Variants in FLII observed in about 807,000 individuals in gnomAD.
FLII encodes FLII actin remodeling protein.
Under a neutral mutation model 156.2 loss-of-function variants are expected in FLII, and 101 were observed. The observed-to-expected ratio is 0.65, with a 90% CI of 0.55 to 0.76. FLII has a LOEUF of 0.76. Ranked by LOEUF, FLII falls within the 30% of genes least tolerant of loss-of-function variation. The probability of loss-of-function intolerance (pLI) is 0.00; values close to 1 mark genes in which losing one functional copy is unlikely to be tolerated. For synonymous variants in FLII, 767 were observed against 685.8 expected, an observed-to-expected ratio of 1.12 and a Z score of -1.85; for missense variants, 1,675 against 1,682.8, an observed-to-expected ratio of 1.00 and a Z score of 0.08.
intron 2 of FLII, 25 bp from the exon 3 acceptor site, chr17:18,256,622 C>A: frequency 6.5e-7 from 1 of 1,547,722 alleles, no homozygotes; most frequent in South Asian, 1.2e-5. Flanking sequence ...GGAGCACAGG[C>A]TCAGCAGGGT....
chr17:18,254,514 C>T lies in FLII; in HGVS notation c.575+7G>A, dbSNP rs780441234. ...TCTGCAGGAGTGCGGTCCGAGGGGG[C>T]GCCCACCGGAGCTGTGCATGCAGCA... On this transcript the variant is annotated splice_region_variant and intron_variant, in intron 6 of 29. Transcript: ENST00000327031. 18 of 1,602,420 alleles carry T rather than the reference C, an allele frequency of 1.1e-5. No individual in the cohort carries two copies. Among genetic ancestry groups the T allele is most frequent in the African/African-American group, 2.7e-5 (2 of 74,736 alleles).
At position 18,252,703 on chromosome 17, in the gene FLII, G is replaced by A. The variant is rs1049221119; in HGVS notation, c.1014-147C>T. On this transcript the variant is annotated intron_variant, in intron 9 of 29. Coordinates refer to ENST00000327031, the MANE Select transcript of FLII (RefSeq NM_002018.4). Reference sequence around the variant, plus strand: ...TTCTCTGCCTGAAGGACTTCTCAGAGCCAAGAGACCATGTTACGGGCACTG... The same window carrying A: ...TTCTCTGCCTGAAGGACTTCTCAGAACCAAGAGACCATGTTACGGGCACTG... The A allele has an allele frequency of 7.6e-6, 5 of 659,966 alleles. No homozygotes were observed. In the African/African-American group the frequency reaches 9.0e-5, roughly 12 times the overall value. 40.9% of individuals were successfully genotyped at this position (659,966 alleles called of 1,614,324 possible). A position where few individuals can be genotyped will look rare whatever the true frequency, so the allele number is the denominator to read the frequency against.
chr17:18,247,699 G>A lies in FLII; in HGVS notation c.2445C>T (p.Arg815=). 1.2e-6 allele frequency: 2 copies of A among 1,600,470 alleles called. No homozygotes were observed. The highest frequency in any genetic ancestry group is 2.2e-5 in the South Asian group (2 of 90,910). Residue 815 remains arginine (R), a synonymous_variant, in exon 20 of 30, where the codon CGC becomes CGT. Transcript: ENST00000327031. ...QELCGMLHRP[R]HATVSRSLEG... is the part of the protein sequence containing the mutation. ...CGAGGCTGCGGCTGACCGTGGCATG[G>A]CGTGGCCGGTGCAGCATCCCGCACA...
rs1429563177 is a variant in FLII, at chr17:18,248,711, C to T, written c.2029G>A (p.Glu677Lys). 1.9e-6 allele frequency: 3 copies of T among 1,613,640 alleles called. No individual in the cohort carries two copies. The highest frequency in any genetic ancestry group is 2.5e-6 in the Non-Finnish European group (3 of 1,179,664). The change falls in exon 18 of 30, where the codon GAG becomes AAG. Residue 677 changes from glutamate (E) to lysine (K), a missense_variant. Glu to Lys is a moderately conservative substitution (Grantham distance 56). Around this residue, in one of 2 missense-constraint regions of FLII, gnomAD observed 1,332 missense variants for 1,269.3 expected, o/e 1.05. Coordinates refer to ENST00000327031, the MANE Select transcript of FLII (RefSeq NM_002018.4). ...TTCCGCTCATTCTTGTTAATTTTCT[C>T]TGCAAAGAGCCTGAGAGCAGGATGC... ...SSTTKARLFA[E>K]KINKNERKGK...
At position 18,245,952 on chromosome 17, in the gene FLII, G is replaced by C; in HGVS notation, c.3378C>G (p.Asp1126Glu). 6.2e-7 allele frequency: 1 copy of C among 1,614,070 alleles called. No homozygotes were observed. Among genetic ancestry groups the C allele is most frequent in the Non-Finnish European group, 8.5e-7 (1 of 1,179,998 alleles). The change falls in exon 26 of 30, where the codon GAC (aspartate) becomes GAG (glutamate). Residue 1126 changes from aspartate to glutamate, a missense_variant. Coordinates refer to ENST00000327031, the MANE Select transcript of FLII (RefSeq NM_002018.4). The part of the protein sequence containing the change: ...LAEDILNTMF[D>E]TSYSKQVINE... ...TCCTGACCTGCTTGCTGTAGGAGGT[G>C]TCAAACATGGTGTTCAGGATGTCTT...
In FLII at chr17:18,256,752, G is replaced by A. The variant is rs995307629; in HGVS notation, c.175-155C>T. 2.5e-5 allele frequency: 20 copies of A among 796,484 alleles called. No individual in the cohort carries two copies. The Admixed American group carries it at 3.8e-4, about 15-fold the overall frequency. 49.3% of individuals were successfully genotyped at this position (796,484 alleles called of 1,614,324 possible). On this transcript the variant is annotated intron_variant, in intron 2 of 29. Transcript: ENST00000327031. Reference sequence around the variant, plus strand: ...TCCCTCACTCACCCGGCCTCTTCTTGCACACCTCCCTGGACAGGGTGCCCA... The same window carrying A: ...TCCCTCACTCACCCGGCCTCTTCTTACACACCTCCCTGGACAGGGTGCCCA...
Position 18,254,258 on chromosome 17 carries a change from C to A in FLII, c.576-76G>T, listed in dbSNP as rs1391959833. ...AAGGGTGGGGCTTGGCAGGGCAGGA[C>A]CAAAAGCACAGGGCCCAGAGGGTAG... On this transcript the variant is annotated intron_variant, in intron 6 of 29. Transcript: ENST00000327031. 1.7e-5 allele frequency: 21 copies of A among 1,210,596 alleles called. No homozygotes were observed. The South Asian group carries it at 1.8e-4, about 10-fold the overall frequency. The allele number at this position is 1,210,596 out of a possible 1,614,324, so 75.0% of individuals were successfully genotyped here. A position where few individuals can be genotyped will look rare whatever the true frequency, so the allele number is the denominator to read the frequency against.
intron 21 of FLII, 24 bp downstream of exon 21, chr17:18,247,145 C>A (rs760008330): frequency 1.1e-5 from 16 of 1,417,892 alleles, no homozygotes; most frequent in South Asian, 2.7e-5. Flanking sequence ...CCCCCCCGCG[C>A]CCCGGTCCCG....
At chr17:18,251,953 C>G in intron 11 of FLII, 46 bp downstream of exon 11, 1 of 1,604,818 alleles carries the variant, frequency 6.2e-7, no homozygotes, top group Non-Finnish European at 8.5e-7. Flanking sequence ...TCATTTGAGG[C>G]CTGGAGAGGA....
rs552944277 is a variant in FLII at position 18,251,071 on chromosome 17, C to G, written c.1597-54G>C. On this transcript the variant is annotated intron_variant, in intron 13 of 29. Transcript: ENST00000327031. ...CTTTCATCCTGGTCTTCCGGCCACC[C>G]CGGAGACGCCACTCTGAACAGCACA... 5 of 1,554,744 alleles carry G rather than the reference C, an allele frequency of 3.2e-6. No individual in the cohort carries two copies. The Admixed American group carries it at 7.5e-5, about 23-fold the overall frequency.
chr17:18,246,434 T>C lies in FLII; in HGVS notation c.3080A>G (p.Asn1027Ser). 1.2e-6 allele frequency: 2 copies of C among 1,613,822 alleles called. No homozygotes were observed. The highest frequency in any genetic ancestry group is 1.3e-5 in the African/African-American group (1 of 74,956). The change falls in exon 24 of 30, where the codon AAC becomes AGC. Residue 1027 changes from asparagine (N) to serine (S), a missense_variant. Physicochemically the swap from Asn to Ser is conservative, Grantham distance 46. Transcript: ENST00000327031. ...CTTGAAATGGGACAGGAACTTGGGGTTCTCCTGCTGCTGCGTCATGCGTAC... is the reference window on the plus strand; with the variant it reads ...CTTGAAATGGGACAGGAACTTGGGGCTCTCCTGCTGCTGCGTCATGCGTAC... The part of the protein sequence containing the change: ...EVVRMTQQQE[N>S]PKFLSHFKRK...
rs539222941 is a variant in FLII, at chr17:18,249,637, T to C, written c.1777-229A>G. ...AAACCCTGTCTCTACTAAAAATACA[T>C]AAATTAGCCAGGCGTGGTGGTGCAT... is the stretch of plus-strand genomic sequence containing the variant. On this transcript the variant is annotated intron_variant, in intron 14 of 29. Coordinates refer to ENST00000327031, the MANE Select transcript of FLII (RefSeq NM_002018.4). Among the ~76,000 whole-genome samples, 6 of 150,324 alleles carry C rather than the reference T, an allele frequency of 4.0e-5. No individual in the cohort carries two copies. The South Asian group carries it at 6.3e-4, about 16-fold the overall frequency.
At position 18,248,797 on chromosome 17, in the gene FLII, T is replaced by C. The variant is rs2048168936; in HGVS notation, c.2018+3A>G. 1.2e-6 allele frequency: 2 copies of C among 1,614,016 alleles called. No individual in the cohort carries two copies. The highest frequency in any genetic ancestry group is 1.7e-6 in the Non-Finnish European group (2 of 1,179,962). On this transcript the variant is annotated splice_donor_region_variant and intron_variant, in intron 17 of 29. Transcript: ENST00000327031. ...CACAAAAGACCCCACGGTGTCCTTG[T>C]ACCTGGCCTTGGTGGTGCTGCTCAG... is the stretch of plus-strand genomic sequence containing the variant.
At position 18,245,485 on chromosome 17, in the gene FLII, G is replaced by A. The variant is rs368907368; in HGVS notation, c.3610-66C>T. 357 of 1,611,612 alleles carry A rather than the reference G, an allele frequency of 2.2e-4. 2 individuals are homozygous for A. The Middle Eastern group carries it at 2.6e-3, about 12-fold the overall frequency. On this transcript the variant is annotated intron_variant, in intron 28 of 29. Coordinates refer to ENST00000327031, the MANE Select transcript of FLII (RefSeq NM_002018.4). ...GGGAACAGCCCCTTGCTCCTGGCCC[G>A]AGAATTCCCATTTGTAAGTAAGTCT...
In FLII at chr17:18,247,967, G is replaced by A. The variant is rs767012086; in HGVS notation, c.2257C>T (p.Gln753Ter). Residue 753 changes from glutamine (Q) to a stop codon, truncating the protein, a stop_gained, in exon 19 of 30, where the codon CAG becomes TAG. Coordinates refer to ENST00000327031, the MANE Select transcript of FLII (RefSeq NM_002018.4). LOFTEE classifies it high-confidence loss of function. ...INYKLSVEHK[Q>*]RPKVELMPRM... ...GGCATCAGCTCCACCTTGGGACGCT[G>A]CTTATGTTCCACGGAGAGCTTGTAG... 1 of 1,614,156 alleles carries A rather than the reference G, an allele frequency of 6.2e-7. No individual in the cohort carries two copies. Among genetic ancestry groups the A allele is most frequent in the South Asian group, 1.1e-5 (1 of 91,090 alleles).
At chr17:18,256,630 G>GA in intron 2 of FLII, 33 bp from the exon 3 acceptor site, 1 of 1,534,058 alleles carries the variant, frequency 6.5e-7, no homozygotes, top group Non-Finnish European at 8.8e-7. Context: ...GGCTCAGCAG[G>GA]GTGGGTGGGG....
chr17:18,255,379 TCA>T (rs2048384858), intron 3 of FLII, 116 bp from the exon 4 acceptor site: 1 of 764,806 alleles, frequency 1.3e-6, no homozygotes, highest in African/African-American at 1.7e-5. Flanking sequence ...GAGGACTCTC[TCA>T]CCTCTGGCCT....
At chr17:18,252,706 A>C in intron 9 of FLII, 150 bp from the exon 10 acceptor site, 1 of 656,608 alleles carries the variant, frequency 1.5e-6, no homozygotes, top group East Asian at 2.7e-5. Context: ...TCTCAGAGCC[A>C]AGAGACCATG....
At chr17:18,250,217 G>T in intron 14 of FLII, among the ~76,000 whole-genome samples, 1 of 152,196 alleles carries the variant, frequency 6.6e-6, no homozygotes, top group Non-Finnish European at 1.5e-5. Flanking sequence ...TTGTAAAGAT[G>T]CCAGCAGCAT....
Sources: allele counts gnomAD v4.1 joint callset (sites outside exome capture counted in the v4.1 genomes callset), GRCh38; gene constraint gnomAD v4.1.1; regional missense constraint gnomAD v4.1.1; transcripts MANE v1.5; gene names NCBI Gene and HGNC (gene_info 2026-07-23, HGNC 2026-07-21).